Variants in WDR72 observed in about 807,000 individuals in gnomAD.
The protein encoded by WDR72 is WD repeat-containing protein 72.
A neutral mutation model predicts 124.2 loss-of-function variants in WDR72; 120 were observed. The ratio of observed to expected loss-of-function variants is 0.97; its 90% CI spans 0.83 to 1.12. The LOEUF (loss-of-function observed/expected upper bound fraction) is 1.12, where lower values mean the gene tolerates loss of function less well. WDR72 is among the 50% of genes most tolerant of loss of function. The pLI is 0.00. For missense variants in WDR72, 1,387 were observed against 1,278.8 expected, an observed-to-expected ratio of 1.08 and a Z score of -1.29; for synonymous variants, 452 against 441.7, an observed-to-expected ratio of 1.02 and a Z score of -0.29.
intron 18 of WDR72, among the ~76,000 whole-genome samples, chr15:53,583,345 A>T (rs950705290): frequency 2.0e-5 from 3 of 152,092 alleles, no homozygotes; most frequent in Non-Finnish European, 4.4e-5. Context: ...AATTTGTTTT[A>T]GTATCTAAAA....
At chr15:53,727,009 A>G (rs1183661168) in intron 2 of WDR72, among the ~76,000 whole-genome samples, 1 of 152,154 alleles carries the variant, frequency 6.6e-6, no homozygotes, top group Non-Finnish European at 1.5e-5. Context: ...AAAGTTGTCA[A>G]TAATAAACCA....
chr15:53,717,033 C>CCACA (rs2017732942), intron 3 of WDR72, among the ~76,000 whole-genome samples: 1 of 152,042 alleles, frequency 6.6e-6, no homozygotes, highest in Non-Finnish European at 1.5e-5. Context: ...TGAACTTAAA[C>CCACA]TACATATTCT....
chr15:53,541,006 T>G (rs898888406), intron 18 of WDR72: 10 of 159,078 alleles, frequency 6.3e-5, no homozygotes, highest in South Asian at 1.9e-4. Context: ...CCACGGAGTC[T>G]CGCTGATTGC....
At chr15:53,756,300 G>A (rs2018904947) in intron 1 of WDR72, among the ~76,000 whole-genome samples, 1 of 152,158 alleles carries the variant, frequency 6.6e-6, no homozygotes. Context: ...CCTATGAAGA[G>A]GTGACTTCCG....
intron 10 of WDR72, 61 bp downstream of exon 10, chr15:53,705,866 A>G (rs1595863311): frequency 1.2e-6 from 2 of 1,601,204 alleles, no homozygotes; most frequent in South Asian, 1.1e-5. Context: ...TTAGAAGAAC[A>G]ATGAATTAAT....
At chr15:53,740,508 C>T (rs2018481669) in intron 1 of WDR72, among the ~76,000 whole-genome samples, 1 of 152,052 alleles carries the variant, frequency 6.6e-6, no homozygotes, top group African/African-American at 2.4e-5. Context: ...CGGGGTTTCA[C>T]CGTGGTCTCA....
chr15:53,731,925 A>C (rs1595880012), intron 2 of WDR72, among the ~76,000 whole-genome samples: 1 of 152,358 alleles, frequency 6.6e-6, no homozygotes, highest in East Asian at 1.9e-4. Flanking sequence ...TTAAGCTTAT[A>C]GTGACCTACA....
chr15:53,676,696 C>A (rs1357319428), intron 13 of WDR72, among the ~76,000 whole-genome samples: 1 of 152,174 alleles, frequency 6.6e-6, no homozygotes, highest in Admixed American at 6.5e-5. Flanking sequence ...TATTTTGCCT[C>A]ATGAGATCCT....
rs770327726 is a variant in WDR72 at position 53,523,332 on chromosome 15, G to GAGAC, written c.3149-11_3149-10insGTCT. 4.4e-6 allele frequency: 3 copies of GAGAC among 681,630 alleles called. No individual in the cohort carries two copies. The highest frequency in any genetic ancestry group is 5.8e-6 in the Non-Finnish European group (3 of 512,858). The allele number at this position is 681,630 out of a possible 1,614,324, so 42.2% of individuals were successfully genotyped here. ...ACCGGGCTGACTGGAGCTATTAAAA[G>GAGAC]AGAGAGAGAGAGAGAGAGAGACAGA... On this transcript the variant is annotated splice_polypyrimidine_tract_variant and intron_variant, in intron 18 of 19. Transcript: ENST00000360509.
chr15:53,650,864 C>T (rs1271302724), intron 14 of WDR72, among the ~76,000 whole-genome samples: 1 of 148,314 alleles, frequency 6.7e-6, no homozygotes, highest in African/African-American at 2.5e-5. Flanking sequence ...ATGGACTCCT[C>T]TTCCAGACAC....
chr15:53,570,491 A>G (rs1045841582), intron 18 of WDR72, among the ~76,000 whole-genome samples: 1 of 152,100 alleles, frequency 6.6e-6, no homozygotes, highest in Non-Finnish European at 1.5e-5. Context: ...AAAAATGCTC[A>G]ACATTACTAA....
intron 1 of WDR72, among the ~76,000 whole-genome samples, chr15:53,759,007 A>C (rs966164548): frequency 1.6e-4 from 24 of 151,970 alleles, no homozygotes; most frequent in African/African-American, 5.5e-4. Context: ...CAACCTTACA[A>C]GGGGCAAAAG....
chr15:53,665,945 A>G (rs2015765017), intron 13 of WDR72, among the ~76,000 whole-genome samples, 177 bp from the exon 14 acceptor site: 1 of 152,180 alleles, frequency 6.6e-6, no homozygotes, highest in Admixed American at 6.5e-5. Context: ...ACTTGCTCAT[A>G]AAGTCTGAAC....
intron 14 of WDR72, among the ~76,000 whole-genome samples, chr15:53,663,746 C>T (rs2015685507): frequency 6.6e-6 from 1 of 152,062 alleles, no homozygotes; most frequent in South Asian, 2.1e-4. Flanking sequence ...AACAAAGACA[C>T]ATCAAGATGG....
intron 13 of WDR72, among the ~76,000 whole-genome samples, chr15:53,685,632 A>G (rs1470269277): frequency 6.8e-6 from 1 of 148,036 alleles, no homozygotes; most frequent in East Asian, 2.1e-4. Context: ...GTTGGAAAAC[A>G]CGCTGCAGGA....
intron 18 of WDR72, among the ~76,000 whole-genome samples, chr15:53,551,104 A>C: frequency 6.6e-6 from 1 of 152,226 alleles, no homozygotes; most frequent in Admixed American, 6.5e-5. Flanking sequence ...AATGGGAAAG[A>C]TTACAGGTTA....
chr15:53,673,609 T>C (rs1400735839), intron 13 of WDR72, among the ~76,000 whole-genome samples: 1 of 152,186 alleles, frequency 6.6e-6, no homozygotes, highest in East Asian at 1.9e-4. Flanking sequence ...CTCAAACAAA[T>C]TTGTTTCATA....
upstream of WDR72, among the ~76,000 whole-genome samples, chr15:53,760,532 T>C (rs1431565721): frequency 6.6e-6 from 1 of 152,226 alleles, no homozygotes; most frequent in Non-Finnish European, 1.5e-5. Flanking sequence ...TATGGCTGAA[T>C]AGTACTCCAC....
chr15:53,578,323 C>T (rs1368049204), intron 18 of WDR72, among the ~76,000 whole-genome samples: 1 of 152,040 alleles, frequency 6.6e-6, no homozygotes, highest in South Asian at 2.1e-4. Flanking sequence ...AACAGAGAGG[C>T]CTTTCCAGAG....
Sources: gnomAD v4.1 joint callset for allele counts (sites outside exome capture counted in the v4.1 genomes callset) on GRCh38, gnomAD v4.1.1 for gene constraint, MANE v1.5 for transcripts, NCBI Gene and HGNC (gene_info 2026-07-23, HGNC 2026-07-21) for gene names.